The following CACNA2D1 variants were observed in gnomAD, a reference collection of about 807,000 sequenced individuals.
The protein encoded by CACNA2D1 is voltage-dependent calcium channel subunit alpha-2/delta-1.
CACNA2D1 carries 53 observed loss-of-function variants against 171.5 expected under a neutral mutation model. The ratio of observed to expected loss-of-function variants is 0.31; its 90% CI spans 0.25 to 0.39. CACNA2D1 has a LOEUF of 0.39. Ranked by LOEUF, CACNA2D1 falls within the 10% of genes least tolerant of loss-of-function variation. The pLI, the probability that CACNA2D1 is intolerant of heterozygous loss-of-function variation, is 1.00. For missense variants in CACNA2D1, 903 were observed against 1,299.8 expected (o/e 0.69, Z 4.69); for synonymous variants, 442 against 443.1 (o/e 1.00, Z 0.03).
chr7:82,138,590 G>T (rs1413526343), intron 4 of CACNA2D1, among the ~76,000 whole-genome samples: 1 of 151,678 alleles, frequency 6.6e-6, no homozygotes, highest in Non-Finnish European at 1.5e-5. Flanking sequence ...GGGACTACAG[G>T]CGCCCGCCAC....
chr7:82,399,999 A>T (rs1439562428), intron 1 of CACNA2D1, among the ~76,000 whole-genome samples: 2 of 152,042 alleles, frequency 1.3e-5, no homozygotes, highest in African/African-American at 4.8e-5. Context: ...AAAAGATAAG[A>T]TCAGATAGTT....
intron 3 of CACNA2D1, among the ~76,000 whole-genome samples, chr7:82,274,311 A>T (rs2129356591): frequency 6.6e-6 from 1 of 152,290 alleles, no homozygotes; most frequent in East Asian, 1.9e-4. Context: ...CAATCTTCTC[A>T]GTACTTTTAT....
chr7:82,348,111 A>G (rs1013950388), intron 2 of CACNA2D1, among the ~76,000 whole-genome samples: 6 of 152,194 alleles, frequency 3.9e-5, no homozygotes, highest in Admixed American at 3.9e-4. Flanking sequence ...AAAGACAGTC[A>G]TATAACTTCT....
Position 82,303,005 on chromosome 7 carries a change from GT to G in CACNA2D1, c.294+32129del, listed in dbSNP as rs367666337. The stretch of plus-strand genomic sequence containing the variant: ...GTTTTTTCTGTTTTTTTGTTTGTTT[GT>G]TTTTTGAGACAGAGTCTCCCTCTGT... On this transcript the variant is annotated intron_variant, in intron 3 of 38. Coordinates refer to ENST00000356860, the MANE Select transcript of CACNA2D1 (RefSeq NM_000722.4). Among the ~76,000 whole-genome samples, 353 of 152,032 alleles carry G rather than the reference GT, an allele frequency of 2.3e-3. 6 individuals carry two copies. The East Asian group carries it at 0.043, about 18-fold the overall frequency.
chr7:82,413,388 G>A (rs1031637380), intron 1 of CACNA2D1, among the ~76,000 whole-genome samples: 4 of 152,188 alleles, frequency 2.6e-5, no homozygotes, highest in African/African-American at 9.7e-5. Flanking sequence ...GCTGTGAAGT[G>A]CCTCTTCAGA....
intron 12 of CACNA2D1, 83 bp from the exon 13 acceptor site, chr7:82,014,562 G>T: frequency 1.3e-6 from 1 of 780,122 alleles, no homozygotes; most frequent in Non-Finnish European, 2.3e-6. Flanking sequence ...AATTTCTATT[G>T]AAAAGAGTGC....
intron 4 of CACNA2D1, among the ~76,000 whole-genome samples, chr7:82,165,332 C>T (rs1795334544): frequency 1.3e-5 from 2 of 151,906 alleles, no homozygotes; most frequent in Admixed American, 6.6e-5. Context: ...GCAGGGGCTT[C>T]CACTGTACTA....
intron 18 of CACNA2D1, among the ~76,000 whole-genome samples, chr7:81,999,073 T>C (rs1165457678): frequency 1.3e-5 from 2 of 152,108 alleles, no homozygotes; most frequent in Non-Finnish European, 2.9e-5. Context: ...AGAGTATTTA[T>C]CTTACATGCA....
chr7:82,106,987 C>T lies in CACNA2D1; in HGVS notation c.526+10057G>A, dbSNP rs778590312. On this transcript the variant is annotated intron_variant, in intron 6 of 38. Transcript: ENST00000356860. Reference sequence around the variant, plus strand: ...AACTCACTGAATGTCCTCCATGAGGCTTTCCTAAGAACAGCAGAATTTCCT... The same window carrying T: ...AACTCACTGAATGTCCTCCATGAGGTTTTCCTAAGAACAGCAGAATTTCCT... Among the ~76,000 whole-genome samples, 57 of 152,162 alleles carry T rather than the reference C, an allele frequency of 3.7e-4. 1 individual carries two copies. Among genetic ancestry groups the T allele is most frequent in the Admixed American group, 2.6e-4 (4 of 15,274 alleles).
chr7:82,371,711 A>G (rs1356208353), intron 1 of CACNA2D1, among the ~76,000 whole-genome samples: 2 of 152,116 alleles, frequency 1.3e-5, no homozygotes, highest in Non-Finnish European at 2.9e-5. Context: ...AGTAGCTGGG[A>G]CTATAGGCGC....
chr7:82,365,297 CA>C (rs1821555431), intron 1 of CACNA2D1, among the ~76,000 whole-genome samples: 1 of 152,178 alleles, frequency 6.6e-6, no homozygotes, highest in South Asian at 2.1e-4. Flanking sequence ...TTCAAATATT[CA>C]TTGCAACTTT....
In CACNA2D1 at chr7:81,982,638, A is replaced by C. The variant is rs758956960; in HGVS notation, c.1895-11T>G. On this transcript the variant is annotated splice_polypyrimidine_tract_variant and intron_variant, in intron 23 of 38. Coordinates refer to ENST00000356860, the MANE Select transcript of CACNA2D1 (RefSeq NM_000722.4). ...TCAGGGTTTCCGAATCTGCAAAGAT[A>C]ATGTTACAGGATTAGATAGGTAATT... The C allele has an allele frequency of 4.5e-6, 7 of 1,550,366 alleles. No individual in the cohort carries two copies. The highest frequency in any genetic ancestry group is 3.3e-5 in the Admixed American group (2 of 59,902).
intron 3 of CACNA2D1, among the ~76,000 whole-genome samples, chr7:82,176,559 G>A (rs2095749378): frequency 6.6e-6 from 1 of 151,828 alleles, no homozygotes; most frequent in Non-Finnish European, 1.5e-5. Context: ...AGCTAAAGAA[G>A]CCAGGCTGGA....
chr7:82,289,003 C>T (rs1811196545), intron 3 of CACNA2D1, among the ~76,000 whole-genome samples: 2 of 152,292 alleles, frequency 1.3e-5, no homozygotes, highest in South Asian at 4.1e-4. Context: ...GCAACAGCCA[C>T]TACCTATCAG....
chr7:82,173,599 G>A (rs78785189), intron 3 of CACNA2D1, among the ~76,000 whole-genome samples: 4,259 of 150,684 alleles, frequency 0.028, 101 homozygotes, highest in Non-Finnish European at 0.041. Flanking sequence ...ACAGTCACTG[G>A]GTGGTGCTAC....
chr7:82,405,821 T>C (rs1958881941), intron 1 of CACNA2D1, among the ~76,000 whole-genome samples: 1 of 152,112 alleles, frequency 6.6e-6, no homozygotes, highest in Non-Finnish European at 1.5e-5. Context: ...AAGAAAAGAA[T>C]GTATTTTTGA....
chr7:82,378,015 T>C (rs1823218751), intron 1 of CACNA2D1, among the ~76,000 whole-genome samples: 1 of 152,212 alleles, frequency 6.6e-6, no homozygotes, highest in African/African-American at 2.4e-5. Context: ...TAAATTTGTA[T>C]TTTCTTTCCT....
At chr7:82,264,369 A>G (rs2129337840) in intron 3 of CACNA2D1, among the ~76,000 whole-genome samples, 2 of 152,306 alleles carry the variant, frequency 1.3e-5, no homozygotes. Flanking sequence ...GTACATTATG[A>G]TGACTATAGA....
chr7:82,285,307 C>T (rs1176132104), intron 3 of CACNA2D1, among the ~76,000 whole-genome samples: 1 of 151,978 alleles, frequency 6.6e-6, no homozygotes, highest in Non-Finnish European at 1.5e-5. Flanking sequence ...TCATATCTTT[C>T]CTCAATCAGG....
Sources: allele counts gnomAD v4.1 joint callset (sites outside exome capture counted in the v4.1 genomes callset), GRCh38; gene constraint gnomAD v4.1.1; transcripts MANE v1.5; gene names NCBI Gene and HGNC (gene_info 2026-07-23, HGNC 2026-07-21).